SMIM23: variants seen among roughly 807,000 people sequenced by gnomAD.
SMIM23 encodes the protein small integral membrane protein 23, also known as CTB-78H18.1.
A neutral mutation model predicts 12.8 loss-of-function variants in SMIM23; 10 were observed. That is an observed-to-expected ratio of 0.78 (90% CI 0.48 to 1.32). The LOEUF (loss-of-function observed/expected upper bound fraction) is 1.32, where lower values mean the gene tolerates loss of function less well. Ranked by LOEUF, SMIM23 falls within the 40% of genes most tolerant of loss-of-function variation. The pLI, the probability that SMIM23 is intolerant of heterozygous loss-of-function variation, is 0.00. For missense variants in SMIM23, 184 were observed against 198.2 expected, an observed-to-expected ratio of 0.93 and a Z score of 0.43; for synonymous variants, 78 against 80.1, an observed-to-expected ratio of 0.97 and a Z score of 0.14.
chr5:171,790,429 A>T, intron 2 of SMIM23, 53 bp from the exon 3 acceptor site: 1 of 1,529,154 alleles, frequency 6.5e-7, no homozygotes, highest in Non-Finnish European at 8.8e-7. Flanking sequence ...AACCATGTTT[A>T]TTTCAATTAG....
intron 1 of SMIM23, among the ~76,000 whole-genome samples, chr5:171,788,228 C>T (rs1157577323): frequency 6.6e-6 from 1 of 151,656 alleles, no homozygotes; most frequent in South Asian, 2.1e-4. Context: ...CTTTAAAAGC[C>T]ATGGTCAAAA....
At chr5:171,778,368 AAAGAT>A (rs1200208622), upstream of SMIM23, among the ~76,000 whole-genome samples, 1 of 151,942 alleles carries the variant, frequency 6.6e-6, no homozygotes, top group Non-Finnish European at 1.5e-5. Context: ...AAAAAAAAAA[AAAGAT>A]GAGATTTTCC....
At chr5:171,788,942 C>A (rs28621037) in intron 1 of SMIM23, among the ~76,000 whole-genome samples, 1 of 152,162 alleles carries the variant, frequency 6.6e-6, no homozygotes, top group Non-Finnish European at 1.5e-5. Context: ...CAGGCTCAAG[C>A]GATGCTCCTG....
At chr5:171,786,263 C>A (rs888321237) in intron 1 of SMIM23, among the ~76,000 whole-genome samples, 1 of 152,130 alleles carries the variant, frequency 6.6e-6, no homozygotes, top group Non-Finnish European at 1.5e-5. Context: ...GTGCTTGGTG[C>A]CAAGTAGATG....
the SMIM23 span, chr5:171,774,498 G>A: frequency 4.6e-5 from 21 of 456,212 alleles, no homozygotes; most frequent in East Asian, 2.1e-4. Context: ...TCGGATGGCC[G>A]AGGGGATCCT....
chr5:171,790,151 C>CCCTT, intron 1 of SMIM23, 79 bp from the exon 2 acceptor site: 1 of 1,376,058 alleles, frequency 7.3e-7, no homozygotes, highest in Admixed American at 2.0e-5. Context: ...CCATGTCTGG[C>CCCTT]CCTTTGTGAT....
chr5:171,778,469 A>T (rs990913458), upstream of SMIM23, among the ~76,000 whole-genome samples: 43 of 148,402 alleles, frequency 2.9e-4, no homozygotes, highest in African/African-American at 9.9e-4. Flanking sequence ...ACACACACAC[A>T]CACACACACA....
chr5:171,780,773 G>A (rs1453384162), upstream of SMIM23, among the ~76,000 whole-genome samples: 1 of 152,108 alleles, frequency 6.6e-6, no homozygotes, highest in African/African-American at 2.4e-5. Flanking sequence ...CAAGAGACTT[G>A]AGTTCGGTAC....
upstream of SMIM23, among the ~76,000 whole-genome samples, chr5:171,778,062 T>A (rs1385565995): frequency 6.6e-6 from 1 of 152,192 alleles, no homozygotes. Context: ...TGCAGGGTTT[T>A]AAGACAAGGA....
At chr5:171,778,496 T>C (rs77766278), upstream of SMIM23, among the ~76,000 whole-genome samples, 1,222 of 110,582 alleles carry the variant, frequency 0.011, 19 homozygotes, top group African/African-American at 0.035. Context: ...CACACACAGA[T>C]AGAGACAGAG....
chr5:171,789,114 C>T (rs1353677222), intron 1 of SMIM23, among the ~76,000 whole-genome samples: 11 of 152,246 alleles, frequency 7.2e-5, no homozygotes, highest in South Asian at 6.2e-4. Context: ...GGATTACAGG[C>T]GTGCGCCACC....
At chr5:171,778,504 G>A (rs1355407892), upstream of SMIM23, among the ~76,000 whole-genome samples, 1 of 150,832 alleles carries the variant, frequency 6.6e-6, no homozygotes, top group Non-Finnish European at 1.5e-5. Flanking sequence ...GATAGAGACA[G>A]AGAGAAGAGG....
upstream of SMIM23, among the ~76,000 whole-genome samples, chr5:171,781,211 CCTTT>C (rs1013188351): frequency 2.6e-5 from 4 of 152,200 alleles, no homozygotes; most frequent in African/African-American, 9.7e-5. Flanking sequence ...CAATTATTTT[CCTTT>C]CTGACAAAGA....
At chr5:171,787,883 T>C (rs149738651) in intron 1 of SMIM23, among the ~76,000 whole-genome samples, 11 of 152,314 alleles carry the variant, frequency 7.2e-5, no homozygotes, top group Admixed American at 4.6e-4. Flanking sequence ...GTGTCTGACT[T>C]CTTTCTCTTA....
chr5:171,772,764 C>T, the SMIM23 span, among the ~76,000 whole-genome samples: 6 of 152,174 alleles, frequency 3.9e-5, no homozygotes, highest in Non-Finnish European at 7.3e-5. Flanking sequence ...GCCTTTCCCA[C>T]CCTCCACCCT....
At chr5:171,773,851 C>T in the SMIM23 span, 3 of 456,136 alleles carry the variant, frequency 6.6e-6, no homozygotes, top group African/African-American at 2.0e-5. Flanking sequence ...TTTAAGACAA[C>T]TTATTTTAAA....
upstream of SMIM23, among the ~76,000 whole-genome samples, chr5:171,777,776 T>C (rs1755665290): frequency 6.6e-6 from 1 of 152,148 alleles, no homozygotes; most frequent in Admixed American, 6.5e-5. Flanking sequence ...AACACTCAGC[T>C]GCTCCATCCC....
upstream of SMIM23, among the ~76,000 whole-genome samples, chr5:171,778,231 C>G (rs1298653467): frequency 6.6e-6 from 1 of 152,030 alleles, no homozygotes; most frequent in Admixed American, 6.6e-5. Context: ...ATGGCAAGTG[C>G]CTGTAATCCC....
upstream of SMIM23, among the ~76,000 whole-genome samples, chr5:171,780,527 T>C (rs1755709322): frequency 6.6e-6 from 1 of 152,224 alleles, no homozygotes; most frequent in African/African-American, 2.4e-5. Flanking sequence ...TGACTGTAAT[T>C]CATTACTTTT....
Sources: gnomAD v4.1 joint callset for allele counts (sites outside exome capture counted in the v4.1 genomes callset) on GRCh38, gnomAD v4.1.1 for gene constraint, MANE v1.5 for transcripts, NCBI Gene and HGNC (gene_info 2026-07-23, HGNC 2026-07-21) for gene names.